CSMD1: variants seen among roughly 807,000 people sequenced by gnomAD.
CSMD1 encodes the protein CUB and Sushi multiple domains 1, also known as CUB and sushi domain-containing protein 1.
CSMD1 carries 213 observed loss-of-function variants against 417.5 expected under a neutral mutation model. The observed-to-expected ratio is 0.51, with a 90% CI of 0.46 to 0.57. The LOEUF is 0.57. CSMD1 is among the 20% of genes least tolerant of loss of function. The pLI is 0.00. For synonymous variants in CSMD1, 2,862 were observed against 1,736.8 expected (o/e 1.65, Z -16.11); for missense variants, 6,923 against 4,529.7 (o/e 1.53, Z -15.17).
chr8:4,075,768 C>G (rs1563090607), intron 3 of CSMD1, among the ~76,000 whole-genome samples: 1 of 152,200 alleles, frequency 6.6e-6, no homozygotes, highest in Non-Finnish European at 1.5e-5. Context: ...TTTTTCCACC[C>G]TAGCCAGGTT....
chr8:3,686,053 C>A (rs142799979), intron 7 of CSMD1, among the ~76,000 whole-genome samples: 297 of 152,112 alleles, frequency 2.0e-3, no homozygotes, highest in African/African-American at 6.8e-3. Context: ...TCCTTGCCCC[C>A]ACCCCTCACT....
At chr8:4,125,798 T>G (rs556300813) in intron 3 of CSMD1, among the ~76,000 whole-genome samples, 1 of 152,292 alleles carries the variant, frequency 6.6e-6, no homozygotes, top group South Asian at 2.1e-4. Context: ...AATTGATCAA[T>G]TGATAACAGC....
chr8:4,281,876 C>G (rs1166109272), intron 3 of CSMD1, among the ~76,000 whole-genome samples: 1 of 152,092 alleles, frequency 6.6e-6, no homozygotes, highest in African/African-American at 2.4e-5. Context: ...AAATGTTTTG[C>G]AAATGACAAG....
At chr8:3,396,462 A>G in intron 16 of CSMD1, 81 bp from the exon 17 acceptor site, 1 of 998,268 alleles carries the variant, frequency 1.0e-6, no homozygotes, top group Non-Finnish European at 1.5e-6. Flanking sequence ...TCATTCCTTA[A>G]TCAGAAACCC....
intron 26 of CSMD1, among the ~76,000 whole-genome samples, chr8:3,257,353 A>C (rs1379411735): frequency 2.6e-5 from 4 of 152,244 alleles, no homozygotes; most frequent in Non-Finnish European, 5.9e-5. Flanking sequence ...CTGAGTGCCT[A>C]CTGCATGTCA....
intron 2 of CSMD1, among the ~76,000 whole-genome samples, chr8:4,607,991 G>A (rs868746763): frequency 2.0e-5 from 3 of 152,080 alleles, no homozygotes; most frequent in African/African-American, 7.2e-5. Context: ...TATATACAGT[G>A]GTCAGAGAAG....
At chr8:4,055,198 T>A (rs1037524836) in intron 3 of CSMD1, among the ~76,000 whole-genome samples, 7 of 152,170 alleles carry the variant, frequency 4.6e-5, no homozygotes, top group Non-Finnish European at 5.9e-5. Context: ...AAACTTCAAT[T>A]TTCTTATTCA....
At chr8:3,171,221 C>T (rs1376527283) in intron 37 of CSMD1, among the ~76,000 whole-genome samples, 2 of 152,160 alleles carry the variant, frequency 1.3e-5, no homozygotes, top group Non-Finnish European at 2.9e-5. Flanking sequence ...CGCATGACTT[C>T]CTGGTGAACT....
intron 5 of CSMD1, among the ~76,000 whole-genome samples, chr8:3,903,590 A>C (rs1807910595): frequency 6.6e-6 from 1 of 152,228 alleles, no homozygotes; most frequent in South Asian, 2.1e-4. Flanking sequence ...CTTTTTCTTC[A>C]TACTTAGTTC....
At chr8:3,018,718 C>A in intron 51 of CSMD1, 68 bp from the exon 52 acceptor site, 1 of 1,385,466 alleles carries the variant, frequency 7.2e-7, no homozygotes, top group Non-Finnish European at 9.9e-7. Flanking sequence ...TCCAAACAAA[C>A]AAACAAAAAC....
At chr8:4,278,210 G>A (rs949981325) in intron 3 of CSMD1, among the ~76,000 whole-genome samples, 2 of 152,116 alleles carry the variant, frequency 1.3e-5, no homozygotes, top group African/African-American at 4.8e-5. Flanking sequence ...GCTCAATAGA[G>A]CCAAGCTTGG....
At chr8:3,636,879 G>A (rs1039701964) in intron 7 of CSMD1, among the ~76,000 whole-genome samples, 1 of 152,246 alleles carries the variant, frequency 6.6e-6, no homozygotes, top group East Asian at 1.9e-4. Flanking sequence ...TATAGATTTT[G>A]TTGCCATTGT....
At chr8:4,020,188 T>C (rs1254177169) in intron 4 of CSMD1, among the ~76,000 whole-genome samples, 2 of 152,166 alleles carry the variant, frequency 1.3e-5, no homozygotes, top group Non-Finnish European at 2.9e-5. Flanking sequence ...GTAGGCACTT[T>C]TATACACATA....
intron 2 of CSMD1, among the ~76,000 whole-genome samples, chr8:4,505,852 G>A (rs567581551): frequency 6.6e-6 from 1 of 151,622 alleles, no homozygotes; most frequent in East Asian, 2.0e-4. Flanking sequence ...CCACAATAGA[G>A]TACAGTGGCG....
At chr8:3,002,755 G>A (rs1024622305) in intron 52 of CSMD1, among the ~76,000 whole-genome samples, 8 of 152,176 alleles carry the variant, frequency 5.3e-5, no homozygotes, top group Non-Finnish European at 1.2e-4. Context: ...TAATGGTCAA[G>A]GAAGCATCTG....
chr8:4,303,648 C>G (rs868612065), intron 3 of CSMD1, among the ~76,000 whole-genome samples: 1 of 151,802 alleles, frequency 6.6e-6, no homozygotes, highest in African/African-American at 2.4e-5. Flanking sequence ...AAGTTTTTCA[C>G]TTTTTTATTT....
At chr8:4,727,620 T>C (rs1221870189) in intron 1 of CSMD1, among the ~76,000 whole-genome samples, 1 of 152,168 alleles carries the variant, frequency 6.6e-6, no homozygotes, top group East Asian at 1.9e-4. Context: ...TCCAAGTTTA[T>C]ATTTCCGTGA....
At chr8:3,415,166 T>C (rs1369979854) in intron 12 of CSMD1, among the ~76,000 whole-genome samples, 1 of 152,256 alleles carries the variant, frequency 6.6e-6, no homozygotes, top group African/African-American at 2.4e-5. Flanking sequence ...ATTGTTCATC[T>C]ACAGCATGTT....
At chr8:3,623,781 G>A (rs772566760) in intron 7 of CSMD1, among the ~76,000 whole-genome samples, 7 of 152,032 alleles carry the variant, frequency 4.6e-5, no homozygotes, top group Non-Finnish European at 1.0e-4. Flanking sequence ...TTCAAGACTA[G>A]ACTGAACAAC....
Sources: allele counts gnomAD v4.1 joint callset (sites outside exome capture counted in the v4.1 genomes callset), GRCh38; gene constraint gnomAD v4.1.1; transcripts MANE v1.5; gene names NCBI Gene and HGNC (gene_info 2026-07-23, HGNC 2026-07-21).